TRPS1: variants seen among roughly 807,000 people sequenced by gnomAD.
TRPS1 encodes transcriptional repressor GATA binding 1, also known as zinc finger transcription factor Trps1.
Under a neutral mutation model 101.2 loss-of-function variants are expected in TRPS1, and 6 were observed. That is an observed-to-expected ratio of 0.06 (90% CI 0.03 to 0.12). TRPS1 has a LOEUF of 0.12. TRPS1 is among the 10% of genes least tolerant of loss of function. The probability of loss-of-function intolerance (pLI) is 1.00; values close to 1 mark genes in which losing one functional copy is unlikely to be tolerated. For missense variants in TRPS1, 1,363 were observed against 1,567.0 expected, an observed-to-expected ratio of 0.87 and a Z score of 2.20; for synonymous variants, 578 against 589.8, an observed-to-expected ratio of 0.98 and a Z score of 0.29.
chr8:115,529,192 A>G (rs771703549), intron 5 of TRPS1, among the ~76,000 whole-genome samples: 18 of 152,052 alleles, frequency 1.2e-4, no homozygotes, highest in Non-Finnish European at 1.5e-5. Flanking sequence ...GGAATAAAAT[A>G]CAGCTGGAGA....
intron 5 of TRPS1, among the ~76,000 whole-genome samples, chr8:115,510,882 C>T (rs1327076697): frequency 3.3e-5 from 5 of 151,868 alleles, no homozygotes; most frequent in African/African-American, 1.2e-4. Context: ...TAGAAAGCTT[C>T]ATTCAACTGA....
intron 5 of TRPS1, among the ~76,000 whole-genome samples, chr8:115,475,266 T>TTTTA (rs1416101277): frequency 1.6e-5 from 2 of 124,002 alleles, no homozygotes; most frequent in African/African-American, 6.9e-5. Flanking sequence ...TGAATCACAG[T>TTTTA]TATATATATA....
chr8:115,490,631 C>G (rs1814997773), intron 5 of TRPS1, among the ~76,000 whole-genome samples: 1 of 152,160 alleles, frequency 6.6e-6, no homozygotes, highest in African/African-American at 2.4e-5. Flanking sequence ...TTTCTGCTGT[C>G]ATTCCTTTTG....
intron 5 of TRPS1, among the ~76,000 whole-genome samples, chr8:115,552,292 C>CT (rs908019882): frequency 2.0e-5 from 3 of 152,018 alleles, no homozygotes; most frequent in Non-Finnish European, 2.9e-5. Context: ...AAGTATCTGT[C>CT]TGAGGTCTAC....
At chr8:115,444,598 C>G (rs1305081963) in intron 5 of TRPS1, among the ~76,000 whole-genome samples, 2 of 152,186 alleles carry the variant, frequency 1.3e-5, no homozygotes, top group Non-Finnish European at 2.9e-5. Context: ...TCCCACTAAC[C>G]TATGAGCTTC....
At chr8:115,655,299 T>C (rs1204959411) in intron 1 of TRPS1, among the ~76,000 whole-genome samples, 1 of 152,172 alleles carries the variant, frequency 6.6e-6, no homozygotes. Flanking sequence ...AAAGAAGTGT[T>C]TCCTTGGCCA....
intron 1 of TRPS1, among the ~76,000 whole-genome samples, chr8:115,663,813 CA>C (rs1811864117): frequency 6.6e-6 from 1 of 150,842 alleles, no homozygotes; most frequent in Non-Finnish European, 1.5e-5. Context: ...AGAGTTTCTT[CA>C]CCTAACTAAT....
At chr8:115,436,265 C>T (rs938051463) in intron 5 of TRPS1, among the ~76,000 whole-genome samples, 7 of 152,100 alleles carry the variant, frequency 4.6e-5, no homozygotes, top group African/African-American at 1.7e-4. Flanking sequence ...ACCCTGAGAG[C>T]ACCATTTTTC....
chr8:115,570,687 ACT>A (rs1336827798), intron 5 of TRPS1, among the ~76,000 whole-genome samples: 12 of 38,568 alleles, frequency 3.1e-4, no homozygotes, highest in African/African-American at 1.2e-3. Flanking sequence ...ACACACACAC[ACT>A]CACACACACA....
At chr8:115,533,711 C>T (rs887284163) in intron 5 of TRPS1, among the ~76,000 whole-genome samples, 1 of 151,806 alleles carries the variant, frequency 6.6e-6, no homozygotes, top group African/African-American at 2.4e-5. Flanking sequence ...GTGGCTTAAA[C>T]AACAGAAATA....
At chr8:115,552,291 T>C (rs983674134) in intron 5 of TRPS1, among the ~76,000 whole-genome samples, 18 of 152,138 alleles carry the variant, frequency 1.2e-4, no homozygotes, top group Non-Finnish European at 2.4e-4. Flanking sequence ...AAAGTATCTG[T>C]CTGAGGTCTA....
intron 1 of TRPS1, among the ~76,000 whole-genome samples, chr8:115,626,262 A>C (rs1294134419): frequency 1.3e-5 from 2 of 151,480 alleles, no homozygotes; most frequent in African/African-American, 2.4e-5. Flanking sequence ...TTGAAAGAAC[A>C]TATGTGTTTG....
At chr8:115,598,354 G>A (rs533444727) in intron 4 of TRPS1, among the ~76,000 whole-genome samples, 12 of 152,108 alleles carry the variant, frequency 7.9e-5, no homozygotes, top group South Asian at 2.1e-4. Context: ...AGTCTTTGTC[G>A]CCCAGGCCAG....
chr8:115,437,834 T>C (rs1747236739), intron 5 of TRPS1, among the ~76,000 whole-genome samples: 1 of 152,160 alleles, frequency 6.6e-6, no homozygotes, highest in African/African-American at 2.4e-5. Flanking sequence ...TACTCCTGTT[T>C]TGGTTTGTCT....
In TRPS1 at chr8:115,467,088, A is replaced by G. The variant is rs150224063; in HGVS notation, c.2701-48636T>C. Among the ~76,000 whole-genome samples, 160 of 152,234 alleles carry G rather than the reference A, an allele frequency of 1.1e-3. 1 individual carries two copies. Among genetic ancestry groups the G allele is most frequent in the African/African-American group, 3.7e-3 (152 of 41,556 alleles). On this transcript the variant is annotated intron_variant, in intron 5 of 6. Transcript: ENST00000395715. ...TTTGAATTTTCTTAAAGAAATTTTG[A>G]ATGTTATTCTTAGAACAGCTTCTTG... is the stretch of plus-strand genomic sequence containing the variant.
intron 5 of TRPS1, among the ~76,000 whole-genome samples, chr8:115,516,218 T>C (rs942541521): frequency 1.3e-5 from 2 of 151,438 alleles, no homozygotes; most frequent in South Asian, 4.1e-4. Context: ...TTACAGAATG[T>C]ATAAATCTTG....
chr8:115,647,570 G>A (rs1050403623), intron 1 of TRPS1, among the ~76,000 whole-genome samples: 1 of 152,152 alleles, frequency 6.6e-6, no homozygotes, highest in Non-Finnish European at 1.5e-5. Context: ...TATAGTTTCT[G>A]ATTGAGAATG....
At chr8:115,450,101 T>C (rs974612553) in intron 5 of TRPS1, among the ~76,000 whole-genome samples, 3 of 152,180 alleles carry the variant, frequency 2.0e-5, no homozygotes, top group African/African-American at 7.2e-5. Flanking sequence ...AGTCACATCC[T>C]GTGCAGAGCC....
chr8:115,603,743 T>A (rs1244397963), intron 4 of TRPS1, 130 bp downstream of exon 4: 3 of 1,059,080 alleles, frequency 2.8e-6, no homozygotes, highest in Non-Finnish European at 4.1e-6. Context: ...AACTTTTATG[T>A]GGTCTTCTCC....
Sources: allele counts gnomAD v4.1 joint callset (sites outside exome capture counted in the v4.1 genomes callset), GRCh38; gene constraint gnomAD v4.1.1; transcripts MANE v1.5; gene names NCBI Gene and HGNC (gene_info 2026-07-23, HGNC 2026-07-21).